The following PEX5 variants were observed in gnomAD, a reference collection of about 807,000 sequenced individuals.
The protein encoded by PEX5 is peroxisomal biogenesis factor 5, also known as PTS1 receptor.
Under a neutral mutation model 82.9 loss-of-function variants are expected in PEX5, and 52 were observed. The observed-to-expected ratio is 0.63, with a 90% confidence interval of 0.50 to 0.79. PEX5 has a LOEUF of 0.79. Ranked by LOEUF, PEX5 falls within the 30% of genes least tolerant of loss-of-function variation. PEX5 has a pLI of 0.00. For missense variants in PEX5, 719 were observed against 815.2 expected, an observed-to-expected ratio of 0.88 and a Z score of 1.44; for synonymous variants, 300 against 318.8, an observed-to-expected ratio of 0.94 and a Z score of 0.63.
In PEX5 at chr12:7,206,089, G is replaced by A. The variant is rs562256990; in HGVS notation, c.967-1570G>A. 7.9e-5 allele frequency among the ~76,000 whole-genome samples: 12 copies of A among 152,152 alleles called. No homozygotes were observed. In the South Asian group the frequency reaches 1.0e-3, roughly 13 times the overall value. On this transcript the variant is annotated intron_variant, in intron 10 of 15. Transcript: ENST00000675855. The stretch of plus-strand genomic sequence containing the variant: ...TTTTCTGTAGAGTGGCTTAAAACAC[G>A]TATTAATGATGAACAATAGTTGAGG...
intron 7 of PEX5, 96 bp downstream of exon 7, chr12:7,201,937 G>A: frequency 1.1e-6 from 1 of 917,724 alleles, no homozygotes; most frequent in South Asian, 1.3e-5. Flanking sequence ...AAGAGAAGGA[G>A]AAGAGATCTT....
intron 6 of PEX5, among the ~76,000 whole-genome samples, chr12:7,200,256 G>A (rs1439396133): frequency 2.6e-5 from 4 of 151,174 alleles, no homozygotes; most frequent in East Asian, 2.0e-4. Context: ...CAGACGGGGC[G>A]GCGGGGCAGA....
At chr12:7,208,934 GA>G in intron 13 of PEX5, 70 bp from the exon 14 acceptor site, 5 of 1,363,538 alleles carry the variant, frequency 3.7e-6, no homozygotes, top group Non-Finnish European at 5.3e-6. Context: ...GATCAATGAA[GA>G]AATTAATTTG....
intron 13 of PEX5, 34 bp from the exon 14 acceptor site, chr12:7,208,971 C>A (rs1209040345): frequency 6.3e-7 from 1 of 1,593,040 alleles, no homozygotes; most frequent in South Asian, 1.1e-5. Context: ...AGACATTCAT[C>A]TACCTACTTT....
At chr12:7,189,627 C>T (rs1393213678), upstream of PEX5, 2 of 310,364 alleles carry the variant, frequency 6.4e-6, no homozygotes, top group Non-Finnish European at 1.2e-5. Flanking sequence ...GGGCCTGGGC[C>T]GCTGCGGGGC....
At chr12:7,195,912 T>A (rs947976977) in intron 5 of PEX5, among the ~76,000 whole-genome samples, 3 of 150,822 alleles carry the variant, frequency 2.0e-5, no homozygotes, top group Admixed American at 6.6e-5. Flanking sequence ...GAGAAATGCT[T>A]CCTGTAAGAG....
chr12:7,197,435 T>C, intron 5 of PEX5, among the ~76,000 whole-genome samples: 1 of 104,760 alleles, frequency 9.5e-6, no homozygotes, highest in East Asian at 2.3e-4. Flanking sequence ...TCATATACAA[T>C]GTAATTATGT....
At chr12:7,200,750 C>G (rs756764860) in intron 6 of PEX5, among the ~76,000 whole-genome samples, 1 of 151,942 alleles carries the variant, frequency 6.6e-6, no homozygotes, top group Admixed American at 6.5e-5. Context: ...ACCAGTCAGG[C>G]ATGGCGGCGC....
Position 7,201,602 on chromosome 12 carries a change from T to C in PEX5, c.552-149T>C, listed in dbSNP as rs776232154. On this transcript the variant is annotated intron_variant, in intron 6 of 15. Transcript: ENST00000675855. ...CTTTCACACTCCTGCCCAAATGTCC[T>C]TCTATAATGCAAATTGGAGTTTGTA... The C allele has an allele frequency of 1.4e-4, 98 of 708,706 alleles. No individual in the cohort carries two copies. In the African/African-American group the frequency reaches 1.6e-3, roughly 12 times the overall value. 43.9% of individuals were successfully genotyped at this position (708,706 alleles called of 1,614,324 possible). A position where few individuals can be genotyped will look rare whatever the true frequency, so the allele number is the denominator to read the frequency against.
intron 5 of PEX5, among the ~76,000 whole-genome samples, chr12:7,195,689 T>C (rs915401662): frequency 2.0e-5 from 3 of 151,624 alleles, no homozygotes; most frequent in Non-Finnish European, 2.9e-5. Context: ...GGAGCACTTA[T>C]GGCCAGAATA....
chr12:7,200,876 C>T lies in PEX5; in HGVS notation c.552-875C>T, dbSNP rs186777006. Among the ~76,000 whole-genome samples, 19 of 149,856 alleles carry T rather than the reference C, an allele frequency of 1.3e-4. No homozygotes were observed. In the South Asian group the frequency reaches 1.7e-3, roughly 13 times the overall value. On this transcript the variant is annotated intron_variant, in intron 6 of 15. Coordinates refer to ENST00000675855, the MANE Select transcript of PEX5 (RefSeq NM_001351132.2). ...CTTCGGCTCGGCATCAGAGGGAGACCGTGGAAAGAGAGGGGGAGAGAGACC... is the reference window on the plus strand; with the variant it reads ...CTTCGGCTCGGCATCAGAGGGAGACTGTGGAAAGAGAGGGGGAGAGAGACC...
chr12:7,201,967 T>A, intron 7 of PEX5, 126 bp downstream of exon 7: 2 of 782,912 alleles, frequency 2.6e-6, no homozygotes, highest in South Asian at 2.9e-5. Context: ...CGTTCCTGTC[T>A]ATAGAACAGA....
chr12:7,209,562 T>TTG, intron 14 of PEX5, 121 bp from the exon 15 acceptor site: 1 of 834,018 alleles, frequency 1.2e-6, no homozygotes, highest in Non-Finnish European at 2.0e-6. Context: ...CGAAACATGT[T>TTG]AGCTAACAGA....
Position 7,197,336 on chromosome 12 carries a change from A to G in PEX5, c.449-1675A>G, listed in dbSNP as rs1400099069. ...AATCATATGTCATATACAATGTAAT[A>G]ATTATATATGTCATATACAATGTAA... On this transcript the variant is annotated intron_variant, in intron 5 of 15. Transcript: ENST00000675855. Among the ~76,000 whole-genome samples the G allele has an allele frequency of 1.1e-4, 14 of 122,564 alleles. 2 individuals are homozygous for G. The highest frequency in any genetic ancestry group is 4.5e-4 in the African/African-American group (14 of 31,180). The allele number at this position is 122,564 out of a possible 152,430, so 80.4% of individuals were successfully genotyped here. A position where few individuals can be genotyped will look rare whatever the true frequency, so the allele number is the denominator to read the frequency against.
In PEX5 at chr12:7,191,672, G is replaced by A; in HGVS notation, c.420G>A (p.Trp140Ter). The part of the protein sequence containing the change: ...DVTQDYNETD[W>*]SQEFISEVTD... ...CTCAGGATTATAATGAGACTGACTG[G>A]TCCCAAGAATTCATCTCTGAAGTTA... The change falls in exon 5 of 16, where the codon TGG (tryptophan) becomes TGA (stop). Residue 140 changes from tryptophan to a stop codon, truncating the protein, a stop_gained. Transcript: ENST00000675855. LOFTEE classifies it high-confidence loss of function. 1.2e-6 allele frequency: 2 copies of A among 1,613,760 alleles called. No homozygotes were observed. The highest frequency in any genetic ancestry group is 1.7e-6 in the Non-Finnish European group (2 of 1,179,700).
At chr12:7,215,910 T>C (rs1945763674), downstream of PEX5, among the ~76,000 whole-genome samples, 3 of 152,070 alleles carry the variant, frequency 2.0e-5, no homozygotes, top group African/African-American at 7.2e-5. Flanking sequence ...ACAAAAGCCA[T>C]TTTACAAAGA....
At chr12:7,191,424 C>A in intron 4 of PEX5, 66 bp downstream of exon 4, 1 of 1,606,644 alleles carries the variant, frequency 6.2e-7, no homozygotes, top group Non-Finnish European at 8.5e-7. Context: ...GAAGGGGGTT[C>A]CATTGGATGC....
At chr12:7,192,477 C>T (rs1200287040) in intron 5 of PEX5, among the ~76,000 whole-genome samples, 1 of 152,192 alleles carries the variant, frequency 6.6e-6, no homozygotes, top group African/African-American at 2.4e-5. Flanking sequence ...TGAAAGCATC[C>T]ATTGCTCCTG....
At chr12:7,206,027 T>C (rs1423099081) in intron 10 of PEX5, among the ~76,000 whole-genome samples, 2 of 152,242 alleles carry the variant, frequency 1.3e-5, no homozygotes, top group Non-Finnish European at 2.9e-5. Context: ...GAATTACTTT[T>C]ATTAGGAAAC....
Sources: gnomAD v4.1 joint callset for allele counts (sites outside exome capture counted in the v4.1 genomes callset) on GRCh38, gnomAD v4.1.1 for gene constraint, MANE v1.5 for transcripts, NCBI Gene and HGNC (gene_info 2026-07-23, HGNC 2026-07-21) for gene names.